The following ZCCHC7 variants were observed in gnomAD, a reference collection of about 807,000 sequenced individuals.
ZCCHC7 encodes the protein zinc finger CCHC domain-containing protein 7.
In ZCCHC7, 35 loss-of-function variants were observed where a neutral mutation model predicts 52.0. That is an observed-to-expected ratio of 0.67 (90% CI 0.51 to 0.89). The LOEUF (loss-of-function observed/expected upper bound fraction) is 0.89, where lower values mean the gene tolerates loss of function less well. Among genes scored for constraint, ZCCHC7 ranks in the 40% least tolerant of loss-of-function variants. The probability of loss-of-function intolerance (pLI) is 0.00; values close to 1 mark genes in which losing one functional copy is unlikely to be tolerated. For missense variants in ZCCHC7, 574 were observed against 649.1 expected, an observed-to-expected ratio of 0.88 and a Z score of 1.26; for synonymous variants, 217 against 221.5, an observed-to-expected ratio of 0.98 and a Z score of 0.18.
At chr9:37,162,907 T>C (rs1448873157) in intron 2 of ZCCHC7, among the ~76,000 whole-genome samples, 2 of 152,004 alleles carry the variant, frequency 1.3e-5, no homozygotes, top group Non-Finnish European at 2.9e-5. Context: ...ACTCTGTCTC[T>C]ACTAAAAAAT....
chr9:37,130,140 A>G (rs1385497669), intron 2 of ZCCHC7, among the ~76,000 whole-genome samples: 1 of 151,334 alleles, frequency 6.6e-6, no homozygotes, highest in African/African-American at 2.4e-5. Flanking sequence ...TTGGGAGGCT[A>G]AGGCAGGAGA....
intron 2 of ZCCHC7, among the ~76,000 whole-genome samples, chr9:37,137,226 A>C (rs543357754): frequency 1.8e-4 from 28 of 152,354 alleles, no homozygotes; most frequent in African/African-American, 6.5e-4. Flanking sequence ...ATGCTCCAGC[A>C]GAATACGTAA....
chr9:37,296,971 A>C (rs1828818844), intron 2 of ZCCHC7, among the ~76,000 whole-genome samples: 1 of 151,166 alleles, frequency 6.6e-6, no homozygotes, highest in African/African-American at 2.4e-5. Context: ...AGCTAGGCTC[A>C]AACAGTCCTC....
At chr9:37,344,624 A>G (rs970013649) in intron 6 of ZCCHC7, among the ~76,000 whole-genome samples, 2 of 152,182 alleles carry the variant, frequency 1.3e-5, no homozygotes, top group Non-Finnish European at 2.9e-5. Context: ...GGACCTTCCT[A>G]GTTGAGGCTT....
intron 2 of ZCCHC7, among the ~76,000 whole-genome samples, chr9:37,138,292 A>G (rs564627057): frequency 6.6e-6 from 1 of 152,236 alleles, no homozygotes; most frequent in Non-Finnish European, 1.5e-5. Context: ...AAAGCTTTTT[A>G]TGGCCATTGT....
At chr9:37,349,519 T>A in intron 7 of ZCCHC7, 67 bp downstream of exon 7, 1 of 1,416,882 alleles carries the variant, frequency 7.1e-7, no homozygotes. Context: ...AAAGATGAAC[T>A]CAAAAAGAAT....
At chr9:37,153,240 G>A (rs1820630144) in intron 2 of ZCCHC7, among the ~76,000 whole-genome samples, 1 of 151,624 alleles carries the variant, frequency 6.6e-6, no homozygotes, top group South Asian at 2.1e-4. Context: ...GTGTGATCTC[G>A]GTTCACTGCA....
At chr9:37,174,158 A>G (rs1473081928) in intron 2 of ZCCHC7, among the ~76,000 whole-genome samples, 1 of 151,912 alleles carries the variant, frequency 6.6e-6, no homozygotes, top group Non-Finnish European at 1.5e-5. Context: ...CGAAAAATAC[A>G]AAAAATTAGC....
intron 2 of ZCCHC7, among the ~76,000 whole-genome samples, chr9:37,293,598 TAGTC>T (rs1039266966): frequency 1.3e-5 from 2 of 152,208 alleles, no homozygotes; most frequent in Non-Finnish European, 2.9e-5. Flanking sequence ...CAGGCATCCA[TAGTC>T]AGTATATTTA....
chr9:37,253,037 T>C (rs1243637709), intron 2 of ZCCHC7, among the ~76,000 whole-genome samples: 1 of 152,088 alleles, frequency 6.6e-6, no homozygotes, highest in East Asian at 1.9e-4. Context: ...GTCATTTTCA[T>C]TTAAAACAAC....
chr9:37,339,862 G>C (rs1203720962), intron 6 of ZCCHC7, among the ~76,000 whole-genome samples: 2 of 152,164 alleles, frequency 1.3e-5, no homozygotes, highest in Non-Finnish European at 2.9e-5. Flanking sequence ...ATGAGCTTCA[G>C]CTAGATGCAA....
At chr9:37,336,289 G>A (rs1830652383) in intron 6 of ZCCHC7, among the ~76,000 whole-genome samples, 2 of 152,280 alleles carry the variant, frequency 1.3e-5, no homozygotes, top group African/African-American at 4.8e-5. Flanking sequence ...CACTTTATCA[G>A]TACATGCAGT....
chr9:37,170,963 G>A (rs1440824826), intron 2 of ZCCHC7, among the ~76,000 whole-genome samples: 1 of 152,092 alleles, frequency 6.6e-6, no homozygotes. Context: ...AAAAACCAGG[G>A]AGTTTTTTTC....
intron 2 of ZCCHC7, among the ~76,000 whole-genome samples, 155 bp downstream of exon 2, chr9:37,127,097 GCTACT>G (rs1356678685): frequency 6.6e-6 from 1 of 152,132 alleles, no homozygotes; most frequent in Non-Finnish European, 1.5e-5. Context: ...CTTACCAGTG[GCTACT>G]CTAATGGTGG....
intron 2 of ZCCHC7, among the ~76,000 whole-genome samples, chr9:37,258,094 A>G (rs1437300017): frequency 6.6e-6 from 1 of 152,240 alleles, no homozygotes; most frequent in East Asian, 1.9e-4. Flanking sequence ...TAAAGGACTC[A>G]GGAGAATAGA....
intron 2 of ZCCHC7, among the ~76,000 whole-genome samples, chr9:37,150,031 G>T (rs975806069): frequency 2.0e-5 from 3 of 152,214 alleles, no homozygotes; most frequent in African/African-American, 7.2e-5. Context: ...CTTTTCACAA[G>T]AATGTGACAG....
At chr9:37,341,744 A>G (rs1820650669) in intron 6 of ZCCHC7, among the ~76,000 whole-genome samples, 1 of 152,146 alleles carries the variant, frequency 6.6e-6, no homozygotes, top group Non-Finnish European at 1.5e-5. Context: ...ATTTGAGCCA[A>G]GGCTTGAAGG....
intron 2 of ZCCHC7, among the ~76,000 whole-genome samples, chr9:37,267,763 G>T (rs557419990): frequency 1.3e-4 from 19 of 151,926 alleles, no homozygotes; most frequent in African/African-American, 4.3e-4. Flanking sequence ...TAGAGATGGG[G>T]TTTCACCGTG....
intron 2 of ZCCHC7, among the ~76,000 whole-genome samples, chr9:37,199,535 G>C (rs1823488175): frequency 6.6e-6 from 1 of 151,944 alleles, no homozygotes; most frequent in Non-Finnish European, 1.5e-5. Context: ...GTTTCACTAT[G>C]TTGGCCAGGC....
Sources: allele counts gnomAD v4.1 joint callset (sites outside exome capture counted in the v4.1 genomes callset), GRCh38; gene constraint gnomAD v4.1.1; transcripts MANE v1.5; gene names NCBI Gene and HGNC (gene_info 2026-07-23, HGNC 2026-07-21).